Variants in NUP210 observed in about 807,000 individuals in gnomAD.
NUP210 encodes nuclear pore membrane glycoprotein 210.
NUP210 carries 151 observed loss-of-function variants against 196.0 expected under a neutral mutation model. The observed-to-expected ratio is 0.77, with a 90% CI of 0.67 to 0.88. The LOEUF (loss-of-function observed/expected upper bound fraction) is 0.88, where lower values mean the gene tolerates loss of function less well. Ranked by LOEUF, NUP210 falls within the 40% of genes least tolerant of loss-of-function variation. NUP210 has a pLI of 0.00. For missense variants in NUP210, 2,314 were observed against 2,493.7 expected (o/e 0.93, Z 1.53); for synonymous variants, 1,070 against 1,052.7 (o/e 1.02, Z -0.32).
intron 14 of NUP210, 93 bp downstream of exon 14, chr3:13,365,853 G>T: frequency 1.5e-6 from 2 of 1,360,064 alleles, no homozygotes; most frequent in South Asian, 1.2e-5. Context: ...GAAGGAATCG[G>T]GTTTATCATG....
Position 13,337,911 on chromosome 3 carries a change from C to A in NUP210, c.3478G>T (p.Val1160Leu), listed in dbSNP as rs1041553939. The A allele has an allele frequency of 3.0e-5, 48 of 1,612,526 alleles. No homozygotes were observed. Among genetic ancestry groups the A allele is most frequent in the Non-Finnish European group, 4.1e-5 (48 of 1,179,778 alleles). ...CTTAGCAGCAGCACCTCCACCTGCA[C>A]GAGGTCCTGGGGAAACAGGGTGGCA... ...GKVVIISQDL[V>L]QVEVLLLRAV... is the part of the protein sequence containing the mutation. The change falls in exon 26 of 40, where the codon GTG becomes TTG. Residue 1160 changes from valine (V) to leucine (L), a missense_variant. Transcript: ENST00000254508.
chr3:13,361,625 C>T (rs531592444), intron 14 of NUP210, among the ~76,000 whole-genome samples: 52 of 152,172 alleles, frequency 3.4e-4, no homozygotes, highest in Non-Finnish European at 5.6e-4. Context: ...TGCAGAGGGT[C>T]CCACTGCAGT....
intron 18 of NUP210, among the ~76,000 whole-genome samples, chr3:13,353,332 C>A (rs1211709858): frequency 2.0e-5 from 3 of 152,294 alleles, no homozygotes; most frequent in Middle Eastern, 3.4e-3. Flanking sequence ...CCAGGAAGGG[C>A]TATTCTTGAG....
At chr3:13,403,119 T>C (rs191851547) in intron 1 of NUP210, among the ~76,000 whole-genome samples, 1 of 152,360 alleles carries the variant, frequency 6.6e-6, no homozygotes, top group African/African-American at 2.4e-5. Flanking sequence ...TACCCCAACA[T>C]ATCCTAAATA....
intron 3 of NUP210, among the ~76,000 whole-genome samples, chr3:13,393,230 G>C (rs1055564363): frequency 1.3e-5 from 2 of 152,180 alleles, no homozygotes; most frequent in African/African-American, 4.8e-5. Context: ...TGTTCACAAC[G>C]GTCCGCTTAT....
chr3:13,419,832 C>T (rs951246547), intron 1 of NUP210, among the ~76,000 whole-genome samples: 3 of 152,034 alleles, frequency 2.0e-5, no homozygotes, highest in African/African-American at 7.2e-5. Flanking sequence ...CGCCAGGCTG[C>T]GCCCGCTCTG....
Position 13,358,180 on chromosome 3 carries a change from G to T in NUP210, c.2328+42C>A, listed in dbSNP as rs777454313. 4.5e-6 allele frequency: 7 copies of T among 1,555,134 alleles called. No individual in the cohort carries two copies. The Admixed American group carries it at 1.2e-4, about 27-fold the overall frequency. On this transcript the variant is annotated intron_variant, in intron 16 of 39. Coordinates refer to ENST00000254508, the MANE Select transcript of NUP210 (RefSeq NM_024923.4). ...GCCACCAATGTCCTCCTGCCCAAGC[G>T]GGTGGCACCCTCACCTCCTCCCGAG... is the stretch of plus-strand genomic sequence containing the variant.
At chr3:13,326,284 G>T (rs1303022565) in intron 32 of NUP210, among the ~76,000 whole-genome samples, 1 of 152,164 alleles carries the variant, frequency 6.6e-6, no homozygotes, top group Non-Finnish European at 1.5e-5. Flanking sequence ...CTGCTGCCAG[G>T]CCCTGCCCTC....
chr3:13,320,042 C>T (rs1696456496), intron 36 of NUP210, 63 bp from the exon 37 acceptor site: 1 of 1,458,206 alleles, frequency 6.9e-7, no homozygotes, highest in East Asian at 2.3e-5. Flanking sequence ...CTGAGCGGGG[C>T]CTCAGGACCC....
chr3:13,402,389 CCT>C (rs1316481918), intron 1 of NUP210, among the ~76,000 whole-genome samples: 1 of 152,144 alleles, frequency 6.6e-6, no homozygotes, highest in Non-Finnish European at 1.5e-5. Flanking sequence ...CCTCTCCTAG[CCT>C]CTGTCTCCTC....
At chr3:13,324,306 G>A (rs1468830966) in intron 33 of NUP210, among the ~76,000 whole-genome samples, 1 of 151,858 alleles carries the variant, frequency 6.6e-6, no homozygotes, top group South Asian at 2.1e-4. Context: ...CTCCTGGAGT[G>A]CCCGTGCACT....
chr3:13,335,377 C>G, intron 28 of NUP210, 77 bp downstream of exon 28: 2 of 1,527,624 alleles, frequency 1.3e-6, no homozygotes, highest in Non-Finnish European at 1.8e-6. Context: ...GCCCATGCAA[C>G]ATGTGGCCCC....
Position 13,323,501 on chromosome 3 carries a change from A to G in NUP210, c.4645-69T>C. On this transcript the variant is annotated intron_variant, in intron 33 of 39. Coordinates refer to ENST00000254508, the MANE Select transcript of NUP210 (RefSeq NM_024923.4). This position sits in a 1 kb window ranked among gnomAD's most constrained non-coding sequence, Gnocchi z 4.3. ...CCCGGTCCATGCTGGGCGTTTCCAC[A>G]ACCTCACCCTGCAGTCTGTGACATA... The G allele has an allele frequency of 6.4e-7, 1 of 1,563,068 alleles. No homozygotes were observed. The highest frequency in any genetic ancestry group is 8.8e-7 in the Non-Finnish European group (1 of 1,140,972).
At chr3:13,369,180 G>A (rs1292116707) in intron 13 of NUP210, among the ~76,000 whole-genome samples, 2 of 152,182 alleles carry the variant, frequency 1.3e-5, no homozygotes, top group Non-Finnish European at 2.9e-5. Context: ...CTCTGATGAT[G>A]AGTGATGTTG....
At chr3:13,358,113 C>G in intron 16 of NUP210, 109 bp downstream of exon 16, 7 of 969,788 alleles carry the variant, frequency 7.2e-6, no homozygotes, top group Non-Finnish European at 1.1e-5. Context: ...GGAAGTGCAG[C>G]GTGGAGCTAT....
intron 13 of NUP210, among the ~76,000 whole-genome samples, chr3:13,371,414 C>T (rs1698726340): frequency 6.6e-6 from 1 of 152,208 alleles, no homozygotes; most frequent in South Asian, 2.1e-4. Flanking sequence ...CAGACTCCAC[C>T]AATGTCACCA....
Position 13,328,259 on chromosome 3 carries a change from G to A in NUP210, c.4286+512C>T, listed in dbSNP as rs377385462. On this transcript the variant is annotated intron_variant, in intron 31 of 39. Transcript: ENST00000254508. ...TGACCACTCCCTCAGCTGAAGGAAA[G>A]CCCTGGAACCTAGGCCATATTGCCC... Among the ~76,000 whole-genome samples the A allele has an allele frequency of 2.8e-4, 42 of 152,334 alleles. 4 individuals are homozygous for A. The highest frequency in any genetic ancestry group is 2.3e-3 in the South Asian group (11 of 4,830).
At chr3:13,380,595 C>T (rs1699068638) in intron 6 of NUP210, among the ~76,000 whole-genome samples, 1 of 152,210 alleles carries the variant, frequency 6.6e-6, no homozygotes, top group Non-Finnish European at 1.5e-5. Flanking sequence ...GCGGAGCTTC[C>T]TAACCAGTCA....
Position 13,386,365 on chromosome 3 carries a change from T to C in NUP210, c.727A>G (p.Ile243Val), listed in dbSNP as rs1404509823. The C allele has an allele frequency of 6.2e-7, 1 of 1,614,170 alleles. No homozygotes were observed. Residue 243 changes from isoleucine (I) to valine (V), a missense_variant, in exon 6 of 40, where the codon ATC becomes GTC. Transcript: ENST00000254508. The stretch of plus-strand genomic sequence containing the variant: ...ACGTCATAGGCCGGGTTCAGAAGGA[T>C]GTTTTCCAAAATCAGCAGCCTGACT... ...AEVRLLILEN[I>V]LLNPAYDVYL...
Sources: allele counts gnomAD v4.1 joint callset (sites outside exome capture counted in the v4.1 genomes callset), GRCh38; gene constraint gnomAD v4.1.1; non-coding constraint Gnocchi (gnomAD v3.1); transcripts MANE v1.5; gene names NCBI Gene and HGNC (gene_info 2026-07-23, HGNC 2026-07-21).